The following GABRG3 variants were observed in gnomAD, a reference collection of about 807,000 sequenced individuals.
GABRG3 encodes gamma-aminobutyric acid type A receptor subunit gamma3.
GABRG3 carries 25 observed loss-of-function variants against 48.8 expected under a neutral mutation model. The observed-to-expected ratio is 0.51, with a 90% CI of 0.37 to 0.72. The LOEUF is 0.72. Ranked by LOEUF, GABRG3 falls within the 30% of genes least tolerant of loss-of-function variation. The probability of loss-of-function intolerance (pLI) is 0.00; values close to 1 mark genes in which losing one functional copy is unlikely to be tolerated. For synonymous variants in GABRG3, 227 were observed against 217.6 expected (o/e 1.04, Z -0.38); for missense variants, 394 against 577.9 (o/e 0.68, Z 3.26).
At chr15:27,496,870 T>G (rs1249232796) in intron 6 of GABRG3, among the ~76,000 whole-genome samples, 1 of 152,242 alleles carries the variant, frequency 6.6e-6, no homozygotes, top group Non-Finnish European at 1.5e-5. Flanking sequence ...TGTCTCTGTT[T>G]AGATAAAGTG....
intron 2 of GABRG3, among the ~76,000 whole-genome samples, chr15:27,012,397 G>A (rs1895705691): frequency 6.6e-6 from 1 of 152,126 alleles, no homozygotes; most frequent in African/African-American, 2.4e-5. Context: ...TTTTCATAAT[G>A]TTCATCATTC....
intron 6 of GABRG3, among the ~76,000 whole-genome samples, chr15:27,497,922 C>G (rs1890526920): frequency 6.6e-6 from 1 of 152,232 alleles, no homozygotes. Flanking sequence ...AGGTAATCAT[C>G]TGCAACAGGT....
intron 5 of GABRG3, among the ~76,000 whole-genome samples, chr15:27,370,939 C>T (rs902547071): frequency 6.6e-6 from 1 of 152,160 alleles, no homozygotes; most frequent in African/African-American, 2.4e-5. Context: ...GTGGGACGCT[C>T]ACTGCTCTCC....
At chr15:27,518,384 G>T (rs1891079816) in intron 6 of GABRG3, among the ~76,000 whole-genome samples, 2 of 79,518 alleles carry the variant, frequency 2.5e-5, no homozygotes, top group South Asian at 6.9e-4. Context: ...AAAAAAAAAT[G>T]GGACATCAGT....
At chr15:27,367,163 G>T (rs910593578) in intron 5 of GABRG3, among the ~76,000 whole-genome samples, 1 of 152,030 alleles carries the variant, frequency 6.6e-6, no homozygotes, top group Admixed American at 6.6e-5. Context: ...TTCCATCCTC[G>T]TACCCTCCTG....
At chr15:27,397,384 T>C (rs1887337414) in intron 5 of GABRG3, among the ~76,000 whole-genome samples, 1 of 152,238 alleles carries the variant, frequency 6.6e-6, no homozygotes, top group Non-Finnish European at 1.5e-5. Flanking sequence ...GTAATTTCTC[T>C]ATATTTTCTG....
chr15:27,304,874 T>G (rs1892341613), intron 3 of GABRG3, among the ~76,000 whole-genome samples: 1 of 152,006 alleles, frequency 6.6e-6, no homozygotes, highest in Non-Finnish European at 1.5e-5. Flanking sequence ...CTTTACATAT[T>G]CTGATATTAT....
chr15:27,351,230 TGTGTTTGTGTGTATG>T (rs1190055479), intron 5 of GABRG3, among the ~76,000 whole-genome samples: 5 of 150,446 alleles, frequency 3.3e-5, no homozygotes, highest in East Asian at 2.0e-4. Flanking sequence ...GTATGGTGTG[TGTGTTTGTGTGTATG>T]GTGTTTGTGT....
At chr15:27,168,290 C>T (rs1433720852) in intron 3 of GABRG3, among the ~76,000 whole-genome samples, 1 of 152,122 alleles carries the variant, frequency 6.6e-6, no homozygotes, top group East Asian at 1.9e-4. Flanking sequence ...TTGAAGCTCT[C>T]ATTTTTATCA....
chr15:27,395,819 C>T (rs1433400003), intron 5 of GABRG3, among the ~76,000 whole-genome samples: 5 of 152,180 alleles, frequency 3.3e-5, no homozygotes, highest in African/African-American at 1.2e-4. Flanking sequence ...TTCTTAGATA[C>T]TGCACCAAAA....
intron 3 of GABRG3, among the ~76,000 whole-genome samples, chr15:27,258,013 T>C (rs1178200209): frequency 2.0e-5 from 3 of 152,104 alleles, no homozygotes; most frequent in Admixed American, 6.6e-5. Context: ...GAAAATGCTA[T>C]TTATATTTAA....
At chr15:27,470,436 T>C (rs1889753137) in intron 5 of GABRG3, among the ~76,000 whole-genome samples, 1 of 151,986 alleles carries the variant, frequency 6.6e-6, no homozygotes, top group Admixed American at 6.6e-5. Flanking sequence ...TTTCACCGTG[T>C]TGGCTATGCT....
intron 3 of GABRG3, among the ~76,000 whole-genome samples, chr15:27,147,126 C>A (rs532451500): frequency 1.3e-5 from 2 of 151,962 alleles, no homozygotes; most frequent in South Asian, 4.2e-4. Flanking sequence ...TAAAAGAGAG[C>A]TGGGGTTGCT....
intron 3 of GABRG3, among the ~76,000 whole-genome samples, chr15:27,292,481 G>A (rs1891828515): frequency 6.6e-6 from 1 of 151,452 alleles, no homozygotes; most frequent in African/African-American, 2.4e-5. Flanking sequence ...TCTGAATATA[G>A]CAACTTGTTT....
At chr15:27,007,076 G>A (rs1895599744) in intron 2 of GABRG3, among the ~76,000 whole-genome samples, 1 of 149,952 alleles carries the variant, frequency 6.7e-6, no homozygotes, top group Non-Finnish European at 1.5e-5. Context: ...ATGTGCATGT[G>A]TCTTTTTTTT....
At chr15:27,357,592 G>C (rs1175561949) in intron 5 of GABRG3, among the ~76,000 whole-genome samples, 5 of 152,206 alleles carry the variant, frequency 3.3e-5, no homozygotes, top group African/African-American at 1.2e-4. Context: ...CACCCAAAAA[G>C]AAAATTTAGT....
intron 3 of GABRG3, among the ~76,000 whole-genome samples, chr15:27,135,184 G>T (rs776723985): frequency 3.3e-5 from 5 of 152,154 alleles, no homozygotes; most frequent in Admixed American, 6.5e-5. Flanking sequence ...TTCTATCATG[G>T]TAAATTTCAC....
At chr15:27,221,188 A>G (rs377335364) in intron 3 of GABRG3, among the ~76,000 whole-genome samples, 8 of 152,134 alleles carry the variant, frequency 5.3e-5, no homozygotes, top group African/African-American at 1.7e-4. Flanking sequence ...CTGTTCAGAG[A>G]GACAGAAGCA....
At chr15:27,456,959 C>T (rs1490809658) in intron 5 of GABRG3, among the ~76,000 whole-genome samples, 1 of 152,198 alleles carries the variant, frequency 6.6e-6, no homozygotes, top group Non-Finnish European at 1.5e-5. Flanking sequence ...GGCACAGTGG[C>T]CATCCTACCA....
Sources: allele counts gnomAD v4.1 joint callset (sites outside exome capture counted in the v4.1 genomes callset), GRCh38; gene constraint gnomAD v4.1.1; transcripts MANE v1.5; gene names NCBI Gene and HGNC (gene_info 2026-07-23, HGNC 2026-07-21).